PHKB: variants seen among roughly 807,000 people sequenced by gnomAD.
The protein encoded by PHKB is phosphorylase b kinase regulatory subunit beta.
A neutral mutation model predicts 152.1 loss-of-function variants in PHKB; 122 were observed. The observed-to-expected ratio is 0.80, with a 90% CI of 0.69 to 0.93. The LOEUF (loss-of-function observed/expected upper bound fraction) is 0.93, where lower values mean the gene tolerates loss of function less well. PHKB is among the 40% of genes least tolerant of loss of function. The pLI, the probability that PHKB is intolerant of heterozygous loss-of-function variation, is 0.00. For missense variants in PHKB, 1,304 were observed against 1,328.4 expected (o/e 0.98, Z 0.29); for synonymous variants, 436 against 464.9 (o/e 0.94, Z 0.80).
chr16:47,487,267 C>T (rs1287380018), intron 1 of PHKB, among the ~76,000 whole-genome samples: 1 of 152,110 alleles, frequency 6.6e-6, no homozygotes, highest in Admixed American at 6.6e-5. Context: ...TTTTTGCAGA[C>T]ATTAATGCAA....
chr16:47,571,855 C>CT (rs1198090466), intron 7 of PHKB, among the ~76,000 whole-genome samples: 5 of 152,168 alleles, frequency 3.3e-5, no homozygotes, highest in Non-Finnish European at 5.9e-5. Flanking sequence ...TTGTGGTACT[C>CT]AAGGTTCATA....
chr16:47,584,211 A>G (rs1418339696), intron 8 of PHKB, among the ~76,000 whole-genome samples: 1 of 152,166 alleles, frequency 6.6e-6, no homozygotes, highest in Non-Finnish European at 1.5e-5. Flanking sequence ...ATTTAGAAAC[A>G]TATATAATCC....
chr16:47,656,354 A>T (rs1973338601), intron 20 of PHKB, among the ~76,000 whole-genome samples: 1 of 152,154 alleles, frequency 6.6e-6, no homozygotes, highest in Non-Finnish European at 1.5e-5. Context: ...ATGGAAGTTC[A>T]CCATTTGTGT....
Position 47,497,422 on chromosome 16 carries a change from A to G in PHKB, c.100A>G (p.Ser34Gly), listed in dbSNP as rs775255502. Residue 34 changes from serine (S) to glycine (G), a missense_variant, in exon 2 of 31, where the codon AGC becomes GGC. Coordinates refer to ENST00000323584, the MANE Select transcript of PHKB (RefSeq NM_000293.3). ...RSGSVYEPLK[S>G]INLPRPDNET... ...AGGCTCAGTTTATGAACCTCTTAAA[A>G]GCATTAATCTTCCAAGACCTGATAA... 6.2e-7 allele frequency: 1 copy of G among 1,606,432 alleles called. No individual in the cohort carries two copies. Among genetic ancestry groups the G allele is most frequent in the Admixed American group, 1.7e-5 (1 of 59,998 alleles).
chr16:47,646,142 A>G (rs537296983), intron 16 of PHKB, among the ~76,000 whole-genome samples: 25 of 11,830 alleles, frequency 2.1e-3, no homozygotes, highest in Non-Finnish European at 3.6e-3. Context: ...AATGTCCAAC[A>G]ATGATAGACT....
chr16:47,548,583 G>A (rs8061091), intron 7 of PHKB, among the ~76,000 whole-genome samples: 2,997 of 151,094 alleles, frequency 0.02, 100 homozygotes, highest in African/African-American at 0.069. Context: ...CTCCAGCCTG[G>A]GTGACAGAGC....
intron 1 of PHKB, among the ~76,000 whole-genome samples, chr16:47,487,873 C>A (rs117499201): frequency 3.3e-5 from 5 of 152,248 alleles, no homozygotes; most frequent in Non-Finnish European, 7.4e-5. Flanking sequence ...CATGACCCTG[C>A]TATTGTGAAT....
At chr16:47,684,724 G>A (rs1973930774) in intron 26 of PHKB, among the ~76,000 whole-genome samples, 1 of 151,818 alleles carries the variant, frequency 6.6e-6, no homozygotes, top group South Asian at 2.1e-4. Flanking sequence ...CCGAGATCAT[G>A]CCACTACACT....
intron 14 of PHKB, among the ~76,000 whole-genome samples, chr16:47,637,913 G>A (rs547412701): frequency 2.6e-5 from 4 of 152,068 alleles, no homozygotes; most frequent in African/African-American, 9.7e-5. Flanking sequence ...CTTCTCTCTG[G>A]TTCATAAATG....
chr16:47,568,490 A>T (rs1055137074), intron 7 of PHKB, among the ~76,000 whole-genome samples: 3 of 152,034 alleles, frequency 2.0e-5, no homozygotes, highest in African/African-American at 7.2e-5. Context: ...CTGTTGTTTC[A>T]TTGATCTTTT....
At chr16:47,507,127 A>G (rs1401662083) in intron 4 of PHKB, among the ~76,000 whole-genome samples, 1 of 151,746 alleles carries the variant, frequency 6.6e-6, no homozygotes, top group Non-Finnish European at 1.5e-5. Context: ...GCATGCACCA[A>G]CACACCCAGC....
chr16:47,505,535 G>C (rs1234539124), intron 4 of PHKB: 1 of 152,224 alleles, frequency 6.6e-6, no homozygotes, highest in Non-Finnish European at 1.5e-5. Flanking sequence ...CATAGCACAA[G>C]GGCTGGTACC....
At chr16:47,556,642 T>A (rs1340531835) in intron 7 of PHKB, among the ~76,000 whole-genome samples, 1 of 152,186 alleles carries the variant, frequency 6.6e-6, no homozygotes, top group Non-Finnish European at 1.5e-5. Context: ...GTGGATAAGC[T>A]TTTTGATGTG....
At chr16:47,527,283 C>T (rs1244289593) in intron 6 of PHKB, among the ~76,000 whole-genome samples, 1 of 151,746 alleles carries the variant, frequency 6.6e-6, no homozygotes, top group Non-Finnish European at 1.5e-5. Context: ...GAAAAGTATG[C>T]CTTAGTAAAC....
intron 2 of PHKB, among the ~76,000 whole-genome samples, chr16:47,498,631 TC>T (rs1308467051): frequency 3.3e-5 from 5 of 152,210 alleles, no homozygotes; most frequent in African/African-American, 1.2e-4. Context: ...CTAGGTGTGA[TC>T]TCTCATGCCT....
At chr16:47,687,644 G>A (rs1428617463) in intron 26 of PHKB, among the ~76,000 whole-genome samples, 1 of 152,170 alleles carries the variant, frequency 6.6e-6, no homozygotes, top group Non-Finnish European at 1.5e-5. Flanking sequence ...AACAATAATA[G>A]TATTGATTTC....
chr16:47,554,380 G>A (rs943170873), intron 7 of PHKB, among the ~76,000 whole-genome samples: 3 of 152,134 alleles, frequency 2.0e-5, no homozygotes, highest in African/African-American at 4.8e-5. Flanking sequence ...CCAAGCTGGA[G>A]TGTCCCAGGT....
intron 10 of PHKB, chr16:47,590,956 G>A (rs1369206675): frequency 6.6e-6 from 1 of 152,226 alleles, no homozygotes; most frequent in Non-Finnish European, 1.5e-5. Flanking sequence ...CCTCCACTGT[G>A]TCTTTCCTTC....
intron 6 of PHKB, among the ~76,000 whole-genome samples, chr16:47,538,415 G>C (rs1004749204): frequency 1.3e-5 from 2 of 152,220 alleles, no homozygotes; most frequent in African/African-American, 2.4e-5. Context: ...TTTACTGTGG[G>C]ATGTACTGTT....
Sources: allele counts gnomAD v4.1 joint callset (sites outside exome capture counted in the v4.1 genomes callset), GRCh38; gene constraint gnomAD v4.1.1; transcripts MANE v1.5; gene names NCBI Gene and HGNC (gene_info 2026-07-23, HGNC 2026-07-21).